The following CADPS variants were observed in gnomAD, a reference collection of about 807,000 sequenced individuals.
CADPS encodes the protein calcium-dependent secretion activator 1.
A neutral mutation model predicts 167.3 loss-of-function variants in CADPS; 57 were observed. The observed-to-expected ratio is 0.34, with a 90% CI of 0.28 to 0.42. CADPS has a LOEUF of 0.42. Ranked by LOEUF, CADPS falls within the 20% of genes least tolerant of loss-of-function variation. CADPS has a pLI of 1.00. For synonymous variants in CADPS, 676 were observed against 635.3 expected (o/e 1.06, Z -0.96); for missense variants, 1,414 against 1,738.1 (o/e 0.81, Z 3.32).
intron 2 of CADPS, among the ~76,000 whole-genome samples, chr3:62,754,946 C>A (rs549496906): frequency 1.3e-5 from 2 of 152,250 alleles, no homozygotes; most frequent in East Asian, 3.9e-4. Flanking sequence ...CTCTTCCTTC[C>A]TGAAATGTAA....
At position 62,478,550 on chromosome 3, in the gene CADPS, G is replaced by GACTCGCCCCC; in HGVS notation, c.3174-135_3174-134insGGGGGCGAGT. ...CAAAACAACGTGTGTTGGCGGTGGA[G>GACTCGCCCCC]GCGGGGGCGAGTCTCCACCGGCAGA... On this transcript the variant is annotated intron_variant, in intron 22 of 29. Transcript: ENST00000383710. The surrounding 1 kb of genome is among the most constrained non-coding windows in gnomAD (Gnocchi z 5.7). 1.3e-6 allele frequency: 1 copy of GACTCGCCCCC among 792,530 alleles called. No homozygotes were observed. The highest frequency in any genetic ancestry group is 2.0e-6 in the Non-Finnish European group (1 of 504,888). 49.1% of individuals were successfully genotyped at this position (792,530 alleles called of 1,614,324 possible).
chr3:62,712,932 A>G (rs2083692675), intron 3 of CADPS, among the ~76,000 whole-genome samples: 2 of 152,194 alleles, frequency 1.3e-5, no homozygotes, highest in African/African-American at 4.8e-5. Flanking sequence ...CATATAGTTA[A>G]TGGATGCAAA....
intron 13 of CADPS, chr3:62,530,686 A>G (rs1672366589): frequency 7.8e-7 from 1 of 1,288,286 alleles, no homozygotes; most frequent in African/African-American, 1.5e-5. Flanking sequence ...GGGTTTTGGA[A>G]TCTTTTCTTT....
chr3:62,791,565 A>G (rs2092947391), intron 1 of CADPS, among the ~76,000 whole-genome samples: 1 of 152,214 alleles, frequency 6.6e-6, no homozygotes, highest in Non-Finnish European at 1.5e-5. Flanking sequence ...ATGTATGAGA[A>G]GCATTGCTCT....
At position 62,481,859 on chromosome 3, in the gene CADPS, T is replaced by A; in HGVS notation, c.3037A>T (p.Ser1013Cys). 6.2e-7 allele frequency: 1 copy of A among 1,609,336 alleles called. No individual in the cohort carries two copies. Among genetic ancestry groups the A allele is most frequent in the Non-Finnish European group, 8.5e-7 (1 of 1,178,290 alleles). Residue 1013 changes from serine to cysteine, a missense_variant, in exon 22 of 30, where the codon AGT becomes TGT. By Grantham distance (112) the Ser-to-Cys change is moderately radical. Around this residue, in one of 6 missense-constraint regions of CADPS, gnomAD observed 529 missense variants for 629.6 expected, o/e 0.84. Coordinates refer to ENST00000383710, the MANE Select transcript of CADPS (RefSeq NM_003716.4). ...ESWEPVKSLT[S>C]NLPNVNLPNV... ...GGTAGGTTCACATTGGGTAGGTTAC[T>A]GGTTAAACTCCTGTGGAAGAAACAG...
Position 62,445,775 on chromosome 3 carries a change from A to T in CADPS, c.3659T>A (p.Val1220Glu). 1 of 1,522,938 alleles carries T rather than the reference A, an allele frequency of 6.6e-7. No individual in the cohort carries two copies. Among genetic ancestry groups the T allele is most frequent in the Non-Finnish European group, 8.7e-7 (1 of 1,144,918 alleles). The allele number at this position is 1,522,938 out of a possible 1,614,324, so 94.3% of individuals were successfully genotyped here. A position where few individuals can be genotyped will look rare whatever the true frequency, so the allele number is the denominator to read the frequency against. ...TTTTCAAATACTCACAGGTACATCC[A>T]CATATTTGGAAGCTGCCTTCACCTA... ...SFTVKAASKY[V>E]DVPKPGMDVA... The change falls in exon 27 of 30, where the codon GTG becomes GAG. Residue 1220 changes from valine to glutamate, a missense_variant. By Grantham distance (121) the Val-to-Glu change is moderately radical. This residue lies in a region of CADPS where 185 missense variants were observed against 251.5 expected (regional missense o/e 0.74). Coordinates refer to ENST00000383710, the MANE Select transcript of CADPS (RefSeq NM_003716.4).
At chr3:62,672,711 C>T (rs1209584147) in intron 3 of CADPS, among the ~76,000 whole-genome samples, 2 of 152,158 alleles carry the variant, frequency 1.3e-5, no homozygotes, top group Non-Finnish European at 2.9e-5. Context: ...GCAGCCTTGA[C>T]CTCCTGGGCT....
In CADPS at chr3:62,753,245, G is replaced by A. The variant is rs1322138648; in HGVS notation, c.888+196C>T. On this transcript the variant is annotated intron_variant, in intron 3 of 29. Coordinates refer to ENST00000383710, the MANE Select transcript of CADPS (RefSeq NM_003716.4). The surrounding 1 kb of genome is among the most constrained non-coding windows in gnomAD (Gnocchi z 4.6). Reference sequence around the variant, plus strand: ...GAGACTTTTAAGGGCTCATAAAAATGTTTTATTTATTTATTTTTTAAATCA... The same window carrying A: ...GAGACTTTTAAGGGCTCATAAAAATATTTTATTTATTTATTTTTTAAATCA... Among the ~76,000 whole-genome samples the A allele has an allele frequency of 6.6e-6, 1 of 152,018 alleles. No homozygotes were observed. Among genetic ancestry groups the A allele is most frequent in the Non-Finnish European group, 1.5e-5 (1 of 67,998 alleles).
chr3:62,510,134 C>T (rs1223938624), intron 17 of CADPS, among the ~76,000 whole-genome samples: 2 of 151,966 alleles, frequency 1.3e-5, no homozygotes, highest in Non-Finnish European at 2.9e-5. Flanking sequence ...TATCTACCTA[C>T]TCTCCTCTCC....
At chr3:62,463,251 C>A (rs1463744211) in intron 26 of CADPS, among the ~76,000 whole-genome samples, 2 of 152,098 alleles carry the variant, frequency 1.3e-5, no homozygotes, top group Admixed American at 1.3e-4. Flanking sequence ...TCTTGGTAGG[C>A]CAGTAATTAG....
rs1461979346 is a variant in CADPS, at chr3:62,433,781, A to G, written c.3777+4323T>C. Among the ~76,000 whole-genome samples the G allele has an allele frequency of 6.6e-6, 1 of 152,178 alleles. No individual in the cohort carries two copies. The highest frequency in any genetic ancestry group is 1.5e-5 in the Non-Finnish European group (1 of 68,022). ...TTCAAGAAGTACAAGGAAGAAAGAA[A>G]ATTAATTTTTGTTTAGACCTTGAAA... On this transcript the variant is annotated intron_variant, in intron 28 of 29. Coordinates refer to ENST00000383710, the MANE Select transcript of CADPS (RefSeq NM_003716.4). The surrounding 1 kb of genome is among the most constrained non-coding windows in gnomAD (Gnocchi z 4.7).
intron 7 of CADPS, among the ~76,000 whole-genome samples, chr3:62,587,093 A>G (rs1008291600): frequency 1.3e-5 from 2 of 152,196 alleles, no homozygotes; most frequent in African/African-American, 4.8e-5. Flanking sequence ...GATATGAGTG[A>G]CAGAGTGTTT....
intron 27 of CADPS, among the ~76,000 whole-genome samples, chr3:62,444,206 C>G (rs978731291): frequency 2.6e-5 from 4 of 152,156 alleles, no homozygotes; most frequent in Non-Finnish European, 5.9e-5. Context: ...GGGTCGAAAG[C>G]CGAGAATTTC....
At chr3:62,457,682 A>G (rs768457768) in intron 26 of CADPS, among the ~76,000 whole-genome samples, 10 of 152,188 alleles carry the variant, frequency 6.6e-5, no homozygotes, top group Non-Finnish European at 1.2e-4. Context: ...AATGGAACCA[A>G]CCCAAATGTC....
intron 17 of CADPS, 117 bp downstream of exon 17, chr3:62,512,634 C>A: frequency 1.6e-6 from 1 of 639,976 alleles, no homozygotes; most frequent in Non-Finnish European, 2.7e-6. Context: ...AGTATTATTG[C>A]AACTCCACAT....
intron 3 of CADPS, among the ~76,000 whole-genome samples, chr3:62,699,309 T>C (rs1227432731): frequency 1.3e-5 from 2 of 151,740 alleles, no homozygotes; most frequent in Admixed American, 1.3e-4. Context: ...AGTGCTGGGA[T>C]TACCGGCGTG....
intron 13 of CADPS, among the ~76,000 whole-genome samples, chr3:62,521,228 A>T (rs1304761735): frequency 6.6e-6 from 1 of 152,136 alleles, no homozygotes; most frequent in Non-Finnish European, 1.5e-5. Flanking sequence ...TAGAGAAAAA[A>T]AATATTAGGT....
intron 27 of CADPS, chr3:62,441,228 G>T (rs2056258017): frequency 6.6e-6 from 1 of 152,120 alleles, no homozygotes; most frequent in Admixed American, 6.5e-5. Flanking sequence ...TTTTAAATGT[G>T]GCTTGGACAG....
At chr3:62,442,321 C>T (rs1472828755) in intron 27 of CADPS, among the ~76,000 whole-genome samples, 1 of 151,744 alleles carries the variant, frequency 6.6e-6, no homozygotes, top group East Asian at 2.0e-4. Context: ...AAGTGATTCT[C>T]CTGCCTCAGC....
Sources: gnomAD v4.1 joint callset for allele counts (sites outside exome capture counted in the v4.1 genomes callset) on GRCh38, gnomAD v4.1.1 for gene constraint, gnomAD v4.1.1 regional missense constraint, Gnocchi (gnomAD v3.1) non-coding constraint, MANE v1.5 for transcripts, NCBI Gene and HGNC (gene_info 2026-07-23, HGNC 2026-07-21) for gene names.